AQR: variants seen among roughly 807,000 people sequenced by gnomAD.
AQR encodes RNA helicase aquarius.
In AQR, 61 loss-of-function variants were observed where a neutral mutation model predicts 180.5. The ratio of observed to expected loss-of-function variants is 0.34; its 90% CI spans 0.28 to 0.42. AQR has a LOEUF of 0.42. Among genes scored for constraint, AQR ranks in the 10% least tolerant of loss-of-function variants. The pLI is 1.00. For missense variants in AQR, 1,281 were observed against 1,798.3 expected, an observed-to-expected ratio of 0.71 and a Z score of 5.20; for synonymous variants, 551 against 588.8, an observed-to-expected ratio of 0.94 and a Z score of 0.93.
chr15:34,893,540 T>TTATTGTGTCCCACACTTACC (rs1174680483), intron 23 of AQR, 123 bp downstream of exon 23: 1 of 730,492 alleles, frequency 1.4e-6, no homozygotes, highest in Non-Finnish European at 2.2e-6. Context: ...GAAGAGGAAC[T>TTATTGTGTCCCACACTTACC]TATTGTGTCC....
intron 15 of AQR, among the ~76,000 whole-genome samples, chr15:34,917,434 G>C (rs555156019): frequency 6.6e-6 from 1 of 152,156 alleles, no homozygotes; most frequent in Non-Finnish European, 1.5e-5. Context: ...CTCATCCTCA[G>C]AGGATGCGTG....
intron 9 of AQR, among the ~76,000 whole-genome samples, chr15:34,936,948 C>G (rs1275001904): frequency 2.0e-5 from 3 of 152,178 alleles, no homozygotes; most frequent in Non-Finnish European, 4.4e-5. Flanking sequence ...AAAACCCAAT[C>G]TTAGTCCTCT....
intron 27 of AQR, among the ~76,000 whole-genome samples, chr15:34,880,154 G>C (rs1304422271): frequency 6.6e-6 from 1 of 152,090 alleles, no homozygotes. Flanking sequence ...TCAAAATTCT[G>C]AAGAAAAATT....
chr15:34,914,595 GC>G (rs1893553142), intron 16 of AQR, among the ~76,000 whole-genome samples: 1 of 152,140 alleles, frequency 6.6e-6, no homozygotes, highest in African/African-American at 2.4e-5. Context: ...TAGAGAGGCT[GC>G]CTGAGAATAC....
intron 28 of AQR, among the ~76,000 whole-genome samples, chr15:34,875,567 T>C (rs1297651408): frequency 2.0e-5 from 3 of 151,736 alleles, no homozygotes; most frequent in Admixed American, 1.3e-4. Flanking sequence ...AGAAAAGCAA[T>C]GCACTCAGTG....
chr15:34,914,140 C>A (rs1316930743), intron 16 of AQR, among the ~76,000 whole-genome samples: 2 of 152,132 alleles, frequency 1.3e-5, no homozygotes, highest in African/African-American at 4.8e-5. Context: ...TGTATGTATA[C>A]ATGGTGTCCT....
At position 34,888,851 on chromosome 15, in the gene AQR, C is replaced by T. The variant is rs530927703; in HGVS notation, c.2681+1364G>A. Among the ~76,000 whole-genome samples, 4 of 152,248 alleles carry T rather than the reference C, an allele frequency of 2.6e-5. No individual in the cohort carries two copies. In the South Asian group the frequency reaches 6.2e-4, roughly 24 times the overall value. ...ATTTTTTTCTTCAGAGAAAGTGATG[C>T]TACTTTTATTGTGAAACAATAGTCA... On this transcript the variant is annotated intron_variant, in intron 24 of 34. Coordinates refer to ENST00000156471, the MANE Select transcript of AQR (RefSeq NM_014691.3).
intron 34 of AQR, among the ~76,000 whole-genome samples, chr15:34,859,427 G>T (rs997068896): frequency 2.6e-5 from 4 of 152,166 alleles, no homozygotes; most frequent in African/African-American, 9.7e-5. Context: ...GTAGCAACTA[G>T]AACTCTCACA....
At chr15:34,925,827 C>T (rs1224765260) in intron 13 of AQR, among the ~76,000 whole-genome samples, 1 of 150,156 alleles carries the variant, frequency 6.7e-6, no homozygotes, top group Non-Finnish European at 1.5e-5. Context: ...AGCAAGACTC[C>T]GTCTCAAAAA....
At chr15:34,896,873 A>G (rs746964622) in intron 22 of AQR, 24 bp downstream of exon 22, 1 of 1,591,728 alleles carries the variant, frequency 6.3e-7, no homozygotes, top group Middle Eastern at 1.7e-4. Flanking sequence ...ACAAACAAAC[A>G]AACAGGTGTA....
chr15:34,961,885 G>T (rs559222246), intron 2 of AQR, among the ~76,000 whole-genome samples: 1 of 152,118 alleles, frequency 6.6e-6, no homozygotes, highest in Admixed American at 6.5e-5. Flanking sequence ...ACAAATACTG[G>T]CATACAGTGA....
intron 17 of AQR, among the ~76,000 whole-genome samples, chr15:34,908,366 G>A (rs1416202710): frequency 6.6e-6 from 1 of 152,106 alleles, no homozygotes; most frequent in Non-Finnish European, 1.5e-5. Flanking sequence ...AACCCAGGAG[G>A]TGGAGGTTGC....
intron 15 of AQR, among the ~76,000 whole-genome samples, 156 bp downstream of exon 15, chr15:34,918,102 T>A (rs746408248): frequency 3.9e-5 from 6 of 152,228 alleles, no homozygotes; most frequent in Non-Finnish European, 7.3e-5. Context: ...TTCAAAATAC[T>A]AAATCTTTTC....
chr15:34,937,480 T>C (rs1190871324), intron 9 of AQR, among the ~76,000 whole-genome samples: 1 of 152,242 alleles, frequency 6.6e-6, no homozygotes, highest in Non-Finnish European at 1.5e-5. Context: ...ACTCATTCCA[T>C]TGTGTTTTTT....
rs559956848 is a variant in AQR at position 34,930,986 on chromosome 15, AC to A, written c.901-616del. Among the ~76,000 whole-genome samples the A allele has an allele frequency of 3.3e-5, 5 of 151,946 alleles. No homozygotes were observed. In the South Asian group the frequency reaches 1.0e-3, roughly 32 times the overall value. ...GGAGTAGCTGGGACTACAGGCGCCC[AC>A]CACCATGCCTGGCTAATTTTTTGCA... On this transcript the variant is annotated intron_variant, in intron 11 of 34. Coordinates refer to ENST00000156471, the MANE Select transcript of AQR (RefSeq NM_014691.3).
At chr15:34,863,166 T>A in intron 32 of AQR, 125 bp from the exon 33 acceptor site, 1 of 870,618 alleles carries the variant, frequency 1.1e-6, no homozygotes, top group Non-Finnish European at 1.7e-6. Flanking sequence ...TTAAGCTTCT[T>A]AAAAACTTAA....
intron 30 of AQR, 57 bp from the exon 31 acceptor site, chr15:34,870,979 G>A: frequency 7.1e-6 from 11 of 1,548,500 alleles, no homozygotes; most frequent in Non-Finnish European, 9.7e-6. Flanking sequence ...CAATTTTATA[G>A]AGAAAATATC....
In AQR at chr15:34,893,653, A is replaced by ACAC. The variant is rs59397470; in HGVS notation, c.2571+9_2571+10insGTG. ...CACACACACACACACACACACACACAGTCATTTACCTGATTGGAATGAGTA... is the reference window on the plus strand; with the variant it reads ...CACACACACACACACACACACACACACACGTCATTTACCTGATTGGAATGAGTA... On this transcript the variant is annotated intron_variant, in intron 23 of 34. Transcript: ENST00000156471. 6.3e-7 allele frequency: 1 copy of ACAC among 1,578,190 alleles called. No individual in the cohort carries two copies. Among genetic ancestry groups the ACAC allele is most frequent in the Non-Finnish European group, 8.7e-7 (1 of 1,150,986 alleles).
chr15:34,886,424 C>A (rs1052243886), intron 25 of AQR, 102 bp downstream of exon 25: 17 of 1,268,494 alleles, frequency 1.3e-5, no homozygotes, highest in African/African-American at 1.5e-5. Context: ...CTAATCTACT[C>A]AAAAAAATAA....
Sources: gnomAD v4.1 joint callset for allele counts (sites outside exome capture counted in the v4.1 genomes callset) on GRCh38, gnomAD v4.1.1 for gene constraint, MANE v1.5 for transcripts, NCBI Gene and HGNC (gene_info 2026-07-23, HGNC 2026-07-21) for gene names.